RAB3IL1: variants seen among roughly 807,000 people sequenced by gnomAD.
RAB3IL1 encodes RAB3A interacting protein like 1, also known as guanine nucleotide exchange factor for Rab-3A.
In RAB3IL1, 37 loss-of-function variants were observed where a neutral mutation model predicts 49.2. The observed-to-expected ratio is 0.75, with a 90% CI of 0.58 to 0.99. The LOEUF (loss-of-function observed/expected upper bound fraction) is 0.99, where lower values mean the gene tolerates loss of function less well. Ranked by LOEUF, RAB3IL1 falls within the 50% of genes least tolerant of loss-of-function variation. RAB3IL1 has a pLI of 0.00. For missense variants in RAB3IL1, 484 were observed against 513.0 expected (o/e 0.94, Z 0.55); for synonymous variants, 193 against 213.9 (o/e 0.90, Z 0.85).
At chr11:61,924,891 C>T (rs982010909), upstream of RAB3IL1, among the ~76,000 whole-genome samples, 3 of 152,210 alleles carry the variant, frequency 2.0e-5, no homozygotes, top group African/African-American at 7.2e-5. Flanking sequence ...CTCTCAACTC[C>T]TCAGAAGGAA....
chr11:61,912,088 G>A (rs193200535), intron 1 of RAB3IL1, among the ~76,000 whole-genome samples: 10 of 152,332 alleles, frequency 6.6e-5, no homozygotes, highest in Non-Finnish European at 1.2e-4. Flanking sequence ...ACCCCTGTTG[G>A]TCATGGGCAC....
chr11:61,944,978 G>A, the RAB3IL1 span, among the ~76,000 whole-genome samples: 24 of 152,328 alleles, frequency 1.6e-4, no homozygotes, highest in Admixed American at 5.9e-4. Flanking sequence ...TGGGATTACA[G>A]GTAGGAGCCA....
chr11:61,928,003 G>A, the RAB3IL1 span, among the ~76,000 whole-genome samples: 25 of 152,094 alleles, frequency 1.6e-4, no homozygotes, highest in Non-Finnish European at 3.4e-4. Context: ...TATACTTAAA[G>A]ACTAAGAGGA....
In RAB3IL1 at chr11:61,907,241, T is replaced by C. The variant is rs1287894480; in HGVS notation, c.438+152A>G. ...GCCCTGTGATCTCAGACCCCCACCC[T>C]TCCCTTCCCTCCCTGGGCCTAGGTT... On this transcript the variant is annotated intron_variant, in intron 4 of 9. Transcript: ENST00000394836. 3 of 760,486 alleles carry C rather than the reference T, an allele frequency of 3.9e-6. No individual in the cohort carries two copies. In the African/African-American group the frequency reaches 5.2e-5, roughly 13 times the overall value. The allele number at this position is 760,486 out of a possible 1,614,324, so 47.1% of individuals were successfully genotyped here.
the RAB3IL1 span, among the ~76,000 whole-genome samples, chr11:61,944,382 C>T: frequency 1.3e-4 from 20 of 152,048 alleles, no homozygotes; most frequent in African/African-American, 3.9e-4. Context: ...AGCAATCATC[C>T]GACCTCAGCC....
the RAB3IL1 span, among the ~76,000 whole-genome samples, chr11:61,932,499 C>T: frequency 6.6e-6 from 1 of 152,142 alleles, no homozygotes; most frequent in Non-Finnish European, 1.5e-5. Flanking sequence ...ATTCATTCAG[C>T]AGTTATTTGT....
At chr11:61,904,728 C>T in intron 6 of RAB3IL1, 26 bp downstream of exon 6, 1 of 1,577,730 alleles carries the variant, frequency 6.3e-7, no homozygotes, top group African/African-American at 1.3e-5. Flanking sequence ...TGTCCCCCAG[C>T]TGGCCCCGCC....
chr11:61,929,425 A>G, the RAB3IL1 span, among the ~76,000 whole-genome samples: 1 of 142,550 alleles, frequency 7.0e-6, no homozygotes, highest in African/African-American at 2.4e-5. Context: ...GAATCGATTC[A>G]ACCCAGAAGG....
chr11:61,909,589 G>A (rs1025598932), intron 1 of RAB3IL1, among the ~76,000 whole-genome samples: 1 of 152,244 alleles, frequency 6.6e-6, no homozygotes, highest in African/African-American at 2.4e-5. Flanking sequence ...TGGCAGGGAT[G>A]TGGGTCTTGA....
Position 61,917,427 on chromosome 11 carries a change from G to T in RAB3IL1, c.-60C>A. The T allele has an allele frequency of 8.3e-7, 1 of 1,199,450 alleles. No homozygotes were observed. 74.3% of individuals were successfully genotyped at this position (1,199,450 alleles called of 1,614,324 possible). A position where few individuals can be genotyped will look rare whatever the true frequency, so the allele number is the denominator to read the frequency against. ...AGCGCCGCCGCGTCCTCCCAGCGCC[G>T]CGTCCCCGCCCGCCGCCGACTCCGC... On this transcript the variant is annotated 5_prime_UTR_variant, in exon 1 of 10. Coordinates refer to ENST00000394836, the MANE Select transcript of RAB3IL1 (RefSeq NM_013401.4).
chr11:61,923,943 C>T (rs140779157), upstream of RAB3IL1, among the ~76,000 whole-genome samples: 72 of 152,312 alleles, frequency 4.7e-4, no homozygotes, highest in Admixed American at 9.1e-4. Flanking sequence ...TGACCAAGAC[C>T]AGGCCCAGGC....
chr11:61,899,372 T>C lies in RAB3IL1; in HGVS notation c.1008A>G (p.Ala336=), dbSNP rs567092159. ...GGATGTAGGTGAAGAAGTTGCACACTGCGGTGATCTGTGGGCAGAGGTGGG... is the reference window on the plus strand; with the variant it reads ...GGATGTAGGTGAAGAAGTTGCACACCGCGGTGATCTGTGGGCAGAGGTGGG... The part of the protein sequence containing the change: ...ISPSSRARIT[A]VCNFFTYIRY... Residue 336 remains alanine (A), a synonymous_variant, in exon 9 of 10, where the codon GCA becomes GCG. Coordinates refer to ENST00000394836, the MANE Select transcript of RAB3IL1 (RefSeq NM_013401.4). 5.6e-6 allele frequency: 9 copies of C among 1,609,138 alleles called. No homozygotes were observed. Among genetic ancestry groups the C allele is most frequent in the Admixed American group, 5.0e-5 (3 of 59,938 alleles).
chr11:61,906,573 C>T lies in RAB3IL1; in HGVS notation c.550G>A (p.Gly184Arg), dbSNP rs757068668. Reference protein sequence around the residue: ...HPQLLSPTKAGPRKGHSRHKS... With the variant: ...HPQLLSPTKARPRKGHSRHKS... ...TGGCGAGAGTGGCCCTTTCGGGGCC[C>T]GGCCTTGGTGGGGCTCAGCAGCTGG... Residue 184 changes from glycine (G) to arginine (R), a missense_variant, in exon 5 of 10, where the codon GGG (glycine) becomes AGG (arginine). Physicochemically the swap from Gly to Arg is moderately radical, Grantham distance 125. Coordinates refer to ENST00000394836, the MANE Select transcript of RAB3IL1 (RefSeq NM_013401.4). This position sits in a 1 kb window ranked among gnomAD's most constrained non-coding sequence, Gnocchi z 4.6. 15 of 1,601,950 alleles carry T rather than the reference C, an allele frequency of 9.4e-6. No homozygotes were observed. The highest frequency in any genetic ancestry group is 2.2e-5 in the South Asian group (2 of 89,188).
intron 1 of RAB3IL1, among the ~76,000 whole-genome samples, chr11:61,911,075 T>A (rs1939434622): frequency 6.6e-6 from 1 of 152,216 alleles, no homozygotes; most frequent in Non-Finnish European, 1.5e-5. Context: ...CTGGCTGACC[T>A]CACCATTTTC....
At chr11:61,929,985 C>T in the RAB3IL1 span, among the ~76,000 whole-genome samples, 15 of 144,350 alleles carry the variant, frequency 1.0e-4, no homozygotes, top group Non-Finnish European at 1.5e-4. Context: ...CTTTGCCTCC[C>T]AGGTTCAAGT....
At chr11:61,943,792 T>A in the RAB3IL1 span, among the ~76,000 whole-genome samples, 1 of 152,120 alleles carries the variant, frequency 6.6e-6, no homozygotes, top group Non-Finnish European at 1.5e-5. Context: ...CTAGGATGGC[T>A]TTAGCATCAG....
At position 61,908,067 on chromosome 11, in the gene RAB3IL1, T is replaced by G; in HGVS notation, c.251A>C (p.His84Pro). The G allele has an allele frequency of 2.5e-6, 4 of 1,611,306 alleles. No individual in the cohort carries two copies. Among genetic ancestry groups the G allele is most frequent in the Non-Finnish European group, 3.4e-6 (4 of 1,179,162 alleles). ...GCAGGCACCCACCTTCTGCGCTCTG[T>G]GCAGCTCCTCCTTCAGGAACTCGGA... Reference protein sequence around the residue: ...KGSEFLKEELHRAQKELKLKD... With the variant: ...KGSEFLKEELPRAQKELKLKD... Residue 84 changes from histidine to proline, a missense_variant, in exon 2 of 10, where the codon CAC becomes CCC. Coordinates refer to ENST00000394836, the MANE Select transcript of RAB3IL1 (RefSeq NM_013401.4).
At chr11:61,911,360 C>G (rs1455284115) in intron 1 of RAB3IL1, among the ~76,000 whole-genome samples, 1 of 152,204 alleles carries the variant, frequency 6.6e-6, no homozygotes, top group East Asian at 1.9e-4. Context: ...TAGCCAGAAT[C>G]TGCAGACCCT....
chr11:61,917,527 G>T lies in RAB3IL1; in HGVS notation c.-160C>A. On this transcript the variant is annotated 5_prime_UTR_variant, in exon 1 of 10. Coordinates refer to ENST00000394836, the MANE Select transcript of RAB3IL1 (RefSeq NM_013401.4). ...GTAGGTCTCAGACGCCTGGGCTCGC[G>T]GCCCCCAGCCCAGCCCCGACCCTGC... 1.8e-6 allele frequency: 2 copies of T among 1,117,478 alleles called. No individual in the cohort carries two copies. Among genetic ancestry groups the T allele is most frequent in the South Asian group, 4.3e-5 (1 of 23,130 alleles). The allele number at this position is 1,117,478 out of a possible 1,614,324, so 69.2% of individuals were successfully genotyped here.
Sources: gnomAD v4.1 joint callset for allele counts (sites outside exome capture counted in the v4.1 genomes callset) on GRCh38, gnomAD v4.1.1 for gene constraint, Gnocchi (gnomAD v3.1) non-coding constraint, MANE v1.5 for transcripts, NCBI Gene and HGNC (gene_info 2026-07-23, HGNC 2026-07-21) for gene names.